Variants in NSRP1 observed in about 807,000 individuals in gnomAD.
NSRP1 encodes nuclear speckle splicing regulatory protein 1.
NSRP1 carries 24 observed loss-of-function variants against 54.7 expected under a neutral mutation model. That is an observed-to-expected ratio of 0.44 (90% CI 0.32 to 0.62). The LOEUF (loss-of-function observed/expected upper bound fraction) is 0.62, where lower values mean the gene tolerates loss of function less well. Among genes scored for constraint, NSRP1 ranks in the 20% least tolerant of loss-of-function variants. The pLI is 0.06. For missense variants in NSRP1, 596 were observed against 651.2 expected (o/e 0.92, Z 0.92); for synonymous variants, 210 against 213.8 (o/e 0.98, Z 0.15).
chr17:30,141,119 A>G (rs2071801300), intron 2 of NSRP1, among the ~76,000 whole-genome samples: 1 of 152,198 alleles, frequency 6.6e-6, no homozygotes, highest in Admixed American at 6.6e-5. Flanking sequence ...CCTGGCTAGA[A>G]TCAGCTTTTT....
At chr17:30,176,000 A>ACC (rs61542606) in intron 3 of NSRP1, among the ~76,000 whole-genome samples, 2 of 144,968 alleles carry the variant, frequency 1.4e-5, no homozygotes, top group Admixed American at 6.8e-5. Context: ...AAGACTCCGA[A>ACC]CCCCCCCCCC....
At chr17:30,180,056 C>T (rs1444521909) in intron 5 of NSRP1, among the ~76,000 whole-genome samples, 1 of 152,110 alleles carries the variant, frequency 6.6e-6, no homozygotes, top group Non-Finnish European at 1.5e-5. Flanking sequence ...GGGCTGGTCT[C>T]GAACTCCTGG....
At chr17:30,124,315 G>T (rs1235862279) in intron 2 of NSRP1, among the ~76,000 whole-genome samples, 1 of 152,196 alleles carries the variant, frequency 6.6e-6, no homozygotes, top group Non-Finnish European at 1.5e-5. Context: ...CACAGTTTGA[G>T]AAGGATGGGT....
intron 6 of NSRP1, among the ~76,000 whole-genome samples, chr17:30,181,297 A>G (rs1010856870): frequency 6.6e-6 from 1 of 152,192 alleles, no homozygotes; most frequent in Admixed American, 6.5e-5. Context: ...CAGACTTTTA[A>G]TGTATAAAGT....
intron 2 of NSRP1, among the ~76,000 whole-genome samples, chr17:30,124,703 A>G (rs934158241): frequency 6.6e-6 from 1 of 152,206 alleles, no homozygotes; most frequent in Non-Finnish European, 1.5e-5. Flanking sequence ...GAGCAGAAAC[A>G]TTTGGGAGAT....
At chr17:30,117,909 TACGGCATGTTAGA>T (rs1234567765) in intron 1 of NSRP1, 158 bp from the exon 2 acceptor site, 3 of 555,446 alleles carry the variant, frequency 5.4e-6, no homozygotes, top group Non-Finnish European at 9.6e-6. Flanking sequence ...TATAGAATCT[TACGGCATGTTAGA>T]ATTTTGAGAT....
chr17:30,144,761 C>T (rs575668597), intron 2 of NSRP1: 2 of 152,244 alleles, frequency 1.3e-5, no homozygotes, highest in African/African-American at 4.8e-5. Flanking sequence ...GAAACATGTT[C>T]GGAGAATTGT....
chr17:30,172,235 C>CT (rs938060302), intron 2 of NSRP1, among the ~76,000 whole-genome samples: 1 of 152,042 alleles, frequency 6.6e-6, no homozygotes, highest in African/African-American at 2.4e-5. Flanking sequence ...TATCTTTTTA[C>CT]TTTTAACTAT....
chr17:30,136,613 A>G (rs1293597899), intron 2 of NSRP1, among the ~76,000 whole-genome samples: 2 of 152,196 alleles, frequency 1.3e-5, no homozygotes, highest in African/African-American at 4.8e-5. Flanking sequence ...CCTGGGTGAC[A>G]GCATTTTTTT....
At chr17:30,131,566 A>G (rs2071700351) in intron 2 of NSRP1, among the ~76,000 whole-genome samples, 2 of 152,206 alleles carry the variant, frequency 1.3e-5, no homozygotes, top group African/African-American at 4.8e-5. Context: ...TGCCTATACC[A>G]TAATTTTAAA....
At chr17:30,151,311 C>G (rs9910970) in intron 2 of NSRP1, among the ~76,000 whole-genome samples, 84,740 of 151,846 alleles carry the variant, frequency 0.56, 24,433 homozygotes, top group East Asian at 0.82. Context: ...GGGGTTAGAG[C>G]TACCAACACC....
chr17:30,138,997 A>G (rs2071778397), intron 2 of NSRP1, among the ~76,000 whole-genome samples: 1 of 133,766 alleles, frequency 7.5e-6, no homozygotes, highest in Non-Finnish European at 1.5e-5. Context: ...GGCTCACTGC[A>G]AGCTCCGCCT....
At chr17:30,156,190 A>G (rs2071960171) in intron 2 of NSRP1, among the ~76,000 whole-genome samples, 1 of 89,570 alleles carries the variant, frequency 1.1e-5, no homozygotes, top group African/African-American at 4.5e-5. Context: ...CATTATTTCA[A>G]ATAGTTTCTG....
chr17:30,128,907 A>G (rs2071675031), intron 2 of NSRP1, among the ~76,000 whole-genome samples: 1 of 151,446 alleles, frequency 6.6e-6, no homozygotes, highest in Admixed American at 6.6e-5. Context: ...GCAGACAATG[A>G]GTGGTTTTTT....
intron 2 of NSRP1, among the ~76,000 whole-genome samples, chr17:30,121,068 G>A (rs1371896693): frequency 6.6e-6 from 1 of 152,186 alleles, no homozygotes; most frequent in Non-Finnish European, 1.5e-5. Context: ...CATTTTTGTG[G>A]AATAATGTGG....
chr17:30,167,355 A>G (rs1420805672), intron 2 of NSRP1, among the ~76,000 whole-genome samples: 4 of 152,198 alleles, frequency 2.6e-5, no homozygotes, highest in African/African-American at 9.7e-5. Flanking sequence ...TCACATCTGT[A>G]ATCCCAGCAC....
chr17:30,180,836 C>G (rs900451961), intron 5 of NSRP1, 72 bp from the exon 6 acceptor site: 2 of 951,850 alleles, frequency 2.1e-6, no homozygotes, highest in Non-Finnish European at 3.4e-6. Context: ...ATGTTATATA[C>G]TGTATGTCTG....
intron 2 of NSRP1, among the ~76,000 whole-genome samples, chr17:30,142,177 T>G (rs914190120): frequency 6.6e-6 from 1 of 152,218 alleles, no homozygotes; most frequent in African/African-American, 2.4e-5. Context: ...TTCTCACTGG[T>G]CTACATGATT....
chr17:30,145,519 G>A (rs1410403988), intron 2 of NSRP1, among the ~76,000 whole-genome samples: 1 of 152,070 alleles, frequency 6.6e-6, no homozygotes. Context: ...GGAGGTGGAG[G>A]TTGCAGCGAG....
Sources: allele counts gnomAD v4.1 joint callset (sites outside exome capture counted in the v4.1 genomes callset), GRCh38; gene constraint gnomAD v4.1.1; transcripts MANE v1.5; gene names NCBI Gene and HGNC (gene_info 2026-07-23, HGNC 2026-07-21).